Variants in CTPS2 observed in about 807,000 individuals in gnomAD.
The protein encoded by CTPS2 is CTP synthase 2.
A neutral mutation model predicts 46.8 loss-of-function variants in CTPS2; 19 were observed. The observed-to-expected ratio is 0.41, with a 90% confidence interval of 0.28 to 0.60. CTPS2 has a LOEUF of 0.60. Ranked by LOEUF, CTPS2 falls within the 20% of genes least tolerant of loss-of-function variation. The probability of loss-of-function intolerance (pLI) is 0.35; values close to 1 mark genes in which losing one functional copy is unlikely to be tolerated. For synonymous variants in CTPS2, 151 were observed against 165.2 expected, an observed-to-expected ratio of 0.91 and a Z score of 0.66; for missense variants, 286 against 447.6, an observed-to-expected ratio of 0.64 and a Z score of 3.26.
intron 10 of CTPS2, among the ~76,000 whole-genome samples, chrX:16,672,881 C>CTTTTTTTTTTTTT (rs1185799196): frequency 1.4e-5 from 1 of 69,576 alleles, no homozygotes; most frequent in African/African-American, 6.7e-5. Flanking sequence ...TGAGGCTACT[C>CTTTTTTTTTTTTT]TTTTTTTTTT....
At chrX:16,592,561 C>A (rs1358707083) in intron 17 of CTPS2, among the ~76,000 whole-genome samples, 1 of 111,550 alleles carries the variant, frequency 9.0e-6, no homozygotes, top group Admixed American at 9.6e-5. Flanking sequence ...AACTAGTCAT[C>A]TACGATCAGC....
intron 14 of CTPS2, among the ~76,000 whole-genome samples, chrX:16,636,896 G>A (rs113074703): frequency 0.013 from 1,422 of 109,949 alleles, 25 homozygotes; most frequent in African/African-American, 0.042. Flanking sequence ...CAGCCTGGGC[G>A]ACAGAGCCAG....
chrX:16,678,304 T>C (rs1922447940), intron 10 of CTPS2, 58 bp downstream of exon 10: 1 of 776,227 alleles, frequency 1.3e-6, no homozygotes, highest in Non-Finnish European at 2.0e-6. Flanking sequence ...AACTGAATCA[T>C]TACAGAAAAA....
In CTPS2 at chrX:16,699,093, C is replaced by A; in HGVS notation, c.167G>T (p.Gly56Val). 8.9e-7 allele frequency: 1 copy of A among 1,129,875 alleles called. No homozygotes were observed. Among genetic ancestry groups the A allele is most frequent in the Non-Finnish European group, 1.2e-6 (1 of 859,084 alleles). The allele number at this position is 1,129,875 out of a possible 1,213,427, so 93.1% of individuals were successfully genotyped here. A position where few individuals can be genotyped will look rare whatever the true frequency, so the allele number is the denominator to read the frequency against. The change falls in exon 3 of 19, where the codon GGT (glycine) becomes GTT (valine). Residue 56 changes from glycine to valine, a missense_variant and splice_region_variant. By Grantham distance (109) the Gly-to-Val change is moderately radical. Transcript: ENST00000359276. The part of the protein sequence containing the change: ...DAGTFSPYEH[G>V]EVFVLNDGGE... ...ACCATCATTTAAGACGAAGACTTCA[C>A]CTAGGATTAAAAAGGCAATGGAAAA...
At chrX:16,681,640 G>A (rs1446814935) in intron 9 of CTPS2, among the ~76,000 whole-genome samples, 1 of 110,900 alleles carries the variant, frequency 9.0e-6, no homozygotes, top group East Asian at 2.8e-4. Context: ...CAAACTCCTG[G>A]GCTCAAGTGA....
intron 17 of CTPS2, among the ~76,000 whole-genome samples, chrX:16,593,827 C>G (rs886603987): frequency 1.8e-5 from 2 of 110,086 alleles, no homozygotes; most frequent in Non-Finnish European, 3.8e-5. Context: ...CCTACTTAGA[C>G]TTTAGTTCAG....
intron 8 of CTPS2, among the ~76,000 whole-genome samples, chrX:16,688,263 G>A (rs924519903): frequency 3.6e-5 from 4 of 110,697 alleles, no homozygotes; most frequent in Non-Finnish European, 7.6e-5. Context: ...AGCTGGGCAT[G>A]GTGGCGGGCG....
At chrX:16,667,368 A>G in intron 13 of CTPS2, 146 bp downstream of exon 13, 1 of 572,180 alleles carries the variant, frequency 1.7e-6, no homozygotes, top group Admixed American at 2.9e-5. Flanking sequence ...TCCTAACCTC[A>G]AGTGATCCGC....
rs1925548151 is a variant in CTPS2 at position 16,712,618 on chromosome X, A to G, written c.-323T>C. 8.8e-6 allele frequency: 1 copy of G among 113,133 alleles called. No individual in the cohort carries two copies. Among genetic ancestry groups the G allele is most frequent in the African/African-American group, 3.2e-5 (1 of 31,175 alleles). The allele number at this position is 113,133 out of a possible 1,213,427, so 9.3% of individuals were successfully genotyped here. ...AATGGTCCAAAACAAGCGCCTAAAA[A>G]GTGATTCCTCCAGCACAGGCAGCTC... is the stretch of plus-strand genomic sequence containing the variant. On this transcript the variant is annotated 5_prime_UTR_variant, in exon 1 of 19. Transcript: ENST00000359276.
chrX:16,613,033 T>C (rs988173260), intron 16 of CTPS2, among the ~76,000 whole-genome samples: 3 of 111,754 alleles, frequency 2.7e-5, no homozygotes, highest in Non-Finnish European at 5.6e-5. Flanking sequence ...GGACTTCAAT[T>C]CTCCCCTCTG....
chrX:16,590,906 A>C (rs1343446558), intron 17 of CTPS2, 44 bp from the exon 18 acceptor site: 1 of 962,093 alleles, frequency 1.0e-6, no homozygotes. Flanking sequence ...TAAAAAAAAA[A>C]CCTGGACAAT....
intron 17 of CTPS2, among the ~76,000 whole-genome samples, chrX:16,592,566 A>C (rs1025186883): frequency 4.5e-5 from 5 of 111,592 alleles, no homozygotes; most frequent in Non-Finnish European, 9.4e-5. Flanking sequence ...GTCATCTACG[A>C]TCAGCAAATT....
intron 8 of CTPS2, among the ~76,000 whole-genome samples, chrX:16,688,227 C>T (rs1054155577): frequency 3.6e-5 from 4 of 110,811 alleles, no homozygotes; most frequent in Admixed American, 9.7e-5. Context: ...GTGAAACCCC[C>T]GTCTCTACTA....
chrX:16,613,323 G>A (rs1930357266), intron 16 of CTPS2, among the ~76,000 whole-genome samples: 1 of 111,832 alleles, frequency 8.9e-6, no homozygotes, highest in Non-Finnish European at 1.9e-5. Context: ...ACACTGCAGA[G>A]TTCTGTTCTT....
rs867917548 is a variant in CTPS2, at chrX:16,650,598, C to T, written c.1297-11355G>A. 5.6e-4 allele frequency among the ~76,000 whole-genome samples: 58 copies of T among 104,263 alleles called. No homozygotes were observed. The Middle Eastern group carries it at 0.03, about 54-fold the overall frequency. 90.5% of individuals were successfully genotyped at this position (104,263 alleles called of 115,157 possible). ...GTGGCATCGCACTCACTGCAACCTCCGCCTCCCGGGTTCAAGCGATTCTCC... is the reference window on the plus strand; with the variant it reads ...GTGGCATCGCACTCACTGCAACCTCTGCCTCCCGGGTTCAAGCGATTCTCC... On this transcript the variant is annotated intron_variant, in intron 13 of 18. Coordinates refer to ENST00000359276, the MANE Select transcript of CTPS2 (RefSeq NM_175859.3).
At chrX:16,590,621 C>G (rs1416168984) in intron 18 of CTPS2, 131 bp downstream of exon 18, 2 of 390,555 alleles carry the variant, frequency 5.1e-6, no homozygotes, top group African/African-American at 5.2e-5. Context: ...GTCCTGCTAA[C>G]TGTGCCAGTC....
intron 8 of CTPS2, 85 bp from the exon 9 acceptor site, chrX:16,683,311 A>G: frequency 9.7e-7 from 1 of 1,028,198 alleles, no homozygotes; most frequent in Non-Finnish European, 1.3e-6. Context: ...TCTTACTCCA[A>G]GGCACTTTTT....
chrX:16,709,845 C>G (rs1360993625), intron 1 of CTPS2, among the ~76,000 whole-genome samples: 3 of 37,447 alleles, frequency 8.0e-5, no homozygotes, highest in Non-Finnish European at 1.2e-4. Context: ...GAGACTCTGT[C>G]TCCAAAAAAA....
chrX:16,605,615 G>A (rs1181020585), intron 17 of CTPS2, among the ~76,000 whole-genome samples: 2 of 111,293 alleles, frequency 1.8e-5, no homozygotes, highest in Admixed American at 1.9e-4. Flanking sequence ...CCAGCTACTC[G>A]GGAGGCTGAG....
Sources: gnomAD v4.1 joint callset for allele counts (sites outside exome capture counted in the v4.1 genomes callset) on GRCh38, gnomAD v4.1.1 for gene constraint, MANE v1.5 for transcripts, NCBI Gene and HGNC (gene_info 2026-07-23, HGNC 2026-07-21) for gene names.